Variants in MEIS1 observed in about 807,000 individuals in gnomAD.
MEIS1 encodes homeobox protein Meis1.
Under a neutral mutation model 50.8 loss-of-function variants are expected in MEIS1, and 5 were observed. The ratio of observed to expected loss-of-function variants is 0.10; its 90% confidence interval spans 0.05 to 0.21. The LOEUF (loss-of-function observed/expected upper bound fraction) is 0.21. Among genes scored for constraint, MEIS1 ranks in the 10% least tolerant of loss-of-function variants. The pLI is 1.00. For synonymous variants in MEIS1, 176 were observed against 179.3 expected, an observed-to-expected ratio of 0.98 and a Z score of 0.15; for missense variants, 318 against 517.3, an observed-to-expected ratio of 0.61 and a Z score of 3.74.
At chr2:66,561,267 A>C (rs956716044) in intron 9 of MEIS1, among the ~76,000 whole-genome samples, 3 of 152,152 alleles carry the variant, frequency 2.0e-5, no homozygotes, top group Non-Finnish European at 4.4e-5. Flanking sequence ...AGTAGTAGAT[A>C]TGATTTTATT....
intron 8 of MEIS1, among the ~76,000 whole-genome samples, chr2:66,541,886 CTT>C (rs1197948376): frequency 6.6e-6 from 1 of 152,158 alleles, no homozygotes; most frequent in East Asian, 1.9e-4. Context: ...CAAAGTGTCT[CTT>C]TGATAATGTG....
intron 6 of MEIS1, among the ~76,000 whole-genome samples, chr2:66,460,612 G>T (rs1365549121): frequency 6.6e-6 from 1 of 152,162 alleles, no homozygotes; most frequent in Non-Finnish European, 1.5e-5. Context: ...GTTTCTAGCT[G>T]CCTGCCTCCA....
At chr2:66,541,227 C>T (rs1019651159) in intron 8 of MEIS1, among the ~76,000 whole-genome samples, 7 of 151,688 alleles carry the variant, frequency 4.6e-5, no homozygotes, top group African/African-American at 9.7e-5. Context: ...TTAGTAGAGA[C>T]GAGGTTTCAC....
intron 8 of MEIS1, among the ~76,000 whole-genome samples, chr2:66,523,599 T>A (rs544607348): frequency 6.6e-6 from 1 of 152,222 alleles, no homozygotes; most frequent in Non-Finnish European, 1.5e-5. Flanking sequence ...TTGAAGTGAA[T>A]ATGCTCAACA....
At chr2:66,531,547 C>T (rs1228432483) in intron 8 of MEIS1, among the ~76,000 whole-genome samples, 1 of 152,226 alleles carries the variant, frequency 6.6e-6, no homozygotes, top group Non-Finnish European at 1.5e-5. Context: ...TGTTGGAAAA[C>T]CAACTCCCTG....
At position 66,547,978 on chromosome 2, in the gene MEIS1, G is replaced by A; in HGVS notation, c.924G>A (p.Leu308=). 1 of 1,613,022 alleles carries A rather than the reference G, an allele frequency of 6.2e-7. No individual in the cohort carries two copies. ...CTTCTGAAGAACAGAAAAAGCAGTT[G>A]GCACAAGACACGGGACTCACCATCC... ...PYPSEEQKKQ[L]AQDTGLTILQ... Residue 308 remains leucine, a synonymous_variant, in exon 9 of 13, where the codon TTG becomes TTA. Coordinates refer to ENST00000272369, the MANE Select transcript of MEIS1 (RefSeq NM_002398.3).
At chr2:66,472,590 G>A (rs1421961006) in intron 7 of MEIS1, among the ~76,000 whole-genome samples, 3 of 152,160 alleles carry the variant, frequency 2.0e-5, no homozygotes, top group Non-Finnish European at 4.4e-5. Context: ...TTAGGGAGCC[G>A]TGAGTGTATT....
chr2:66,561,642 A>T (rs558724146), intron 9 of MEIS1, among the ~76,000 whole-genome samples: 1 of 152,348 alleles, frequency 6.6e-6, no homozygotes, highest in East Asian at 1.9e-4. Flanking sequence ...GGGATAGTGT[A>T]GGTATAGAAG....
chr2:66,457,688 C>G (rs1672423883), intron 6 of MEIS1, among the ~76,000 whole-genome samples: 1 of 149,550 alleles, frequency 6.7e-6, no homozygotes, highest in African/African-American at 2.6e-5. Context: ...ATTAGATGCA[C>G]CCCCCCAGAC....
chr2:66,466,148 A>C (rs944200034), intron 7 of MEIS1, among the ~76,000 whole-genome samples: 2 of 152,240 alleles, frequency 1.3e-5, no homozygotes, highest in African/African-American at 2.4e-5. Context: ...ACAGAGGAGA[A>C]GAATAAGGTA....
chr2:66,547,914 G>T (rs750343725), intron 8 of MEIS1, 29 bp from the exon 9 acceptor site: 19 of 1,609,858 alleles, frequency 1.2e-5, no homozygotes, highest in Non-Finnish European at 1.4e-5. Flanking sequence ...ATTGCCTGAT[G>T]CACACGTATC....
intron 7 of MEIS1, among the ~76,000 whole-genome samples, chr2:66,482,228 A>G (rs1322204663): frequency 6.6e-6 from 1 of 152,120 alleles, no homozygotes; most frequent in Non-Finnish European, 1.5e-5. Context: ...CTAGGTGGGA[A>G]ATTTTTCAAA....
At chr2:66,568,506 G>T in intron 10 of MEIS1, 161 bp from the exon 11 acceptor site, 1 of 557,700 alleles carries the variant, frequency 1.8e-6, no homozygotes, top group Non-Finnish European at 3.2e-6. Flanking sequence ...GAGGTGTGTA[G>T]ATCTAGTCTG....
intron 1 of MEIS1, chr2:66,436,908 A>G: frequency 1.0e-6 from 1 of 984,796 alleles, no homozygotes; most frequent in Non-Finnish European, 1.2e-6. Context: ...GAAGATGGAA[A>G]GTTGTGCATT....
intron 7 of MEIS1, among the ~76,000 whole-genome samples, chr2:66,505,701 A>G (rs116026450): frequency 6.6e-6 from 1 of 152,330 alleles, no homozygotes; most frequent in African/African-American, 2.4e-5. Flanking sequence ...TGCTCAGAAA[A>G]GATGCACAAA....
chr2:66,524,550 C>T (rs762817918), intron 8 of MEIS1, among the ~76,000 whole-genome samples: 4 of 150,706 alleles, frequency 2.7e-5, no homozygotes, highest in Non-Finnish European at 4.4e-5. Context: ...CAGAGTGGGA[C>T]CCTGTCTCAA....
intron 9 of MEIS1, among the ~76,000 whole-genome samples, chr2:66,551,800 C>A (rs1366178402): frequency 1.3e-5 from 2 of 151,466 alleles, no homozygotes; most frequent in Non-Finnish European, 2.9e-5. Context: ...TTCTTTGGTC[C>A]CTTGCTCCCA....
chr2:66,437,654 C>T, intron 1 of MEIS1, 83 bp from the exon 2 acceptor site: 1 of 1,251,402 alleles, frequency 8.0e-7, no homozygotes. Context: ...CTGTATTGAC[C>T]TTATATAAGC....
chr2:66,566,296 G>A (rs1361019504), intron 9 of MEIS1, among the ~76,000 whole-genome samples: 1 of 152,120 alleles, frequency 6.6e-6, no homozygotes, highest in Non-Finnish European at 1.5e-5. Context: ...TTGAAAACCT[G>A]TCCCTGTCTG....
Sources: allele counts gnomAD v4.1 joint callset (sites outside exome capture counted in the v4.1 genomes callset), GRCh38; gene constraint gnomAD v4.1.1; transcripts MANE v1.5; gene names NCBI Gene and HGNC (gene_info 2026-07-23, HGNC 2026-07-21).